The following ARB2A variants were observed in gnomAD, a reference collection of about 807,000 sequenced individuals.
The protein encoded by ARB2A is ARB2 cotranscriptional regulator A.
the ARB2A span, among the ~76,000 whole-genome samples, chr5:93,964,895 CTG>C: frequency 1.3e-5 from 2 of 151,912 alleles, no homozygotes; most frequent in Admixed American, 1.3e-4. Flanking sequence ...CTTAGTGACT[CTG>C]AATCTCAACA....
the ARB2A span, among the ~76,000 whole-genome samples, chr5:93,848,452 TA>T: frequency 6.6e-6 from 1 of 152,050 alleles, no homozygotes; most frequent in Non-Finnish European, 1.5e-5. Context: ...CTAGAAATTC[TA>T]GAACCTCTAC....
the ARB2A span, among the ~76,000 whole-genome samples, chr5:93,714,761 C>G: frequency 6.6e-6 from 1 of 152,122 alleles, no homozygotes; most frequent in Non-Finnish European, 1.5e-5. Flanking sequence ...GTCTCCTGGT[C>G]ACCTGCAACT....
the ARB2A span, among the ~76,000 whole-genome samples, chr5:93,830,321 A>ATATATATC: frequency 3.7e-5 from 1 of 27,126 alleles, no homozygotes; most frequent in African/African-American, 7.6e-5. Context: ...GTATATATAT[A>ATATATATC]TATATATATA....
chr5:93,759,092 A>G, the ARB2A span, among the ~76,000 whole-genome samples: 1 of 152,186 alleles, frequency 6.6e-6, no homozygotes, highest in East Asian at 1.9e-4. Context: ...CTGAAATACA[A>G]AAGATCATTC....
chr5:93,770,541 T>C, the ARB2A span, among the ~76,000 whole-genome samples: 2 of 152,134 alleles, frequency 1.3e-5, no homozygotes, highest in East Asian at 3.8e-4. Context: ...ATGACATGAT[T>C]GTATATCTAG....
At chr5:94,040,785 G>A in the ARB2A span, among the ~76,000 whole-genome samples, 2 of 152,082 alleles carry the variant, frequency 1.3e-5, no homozygotes, top group Non-Finnish European at 2.9e-5. Flanking sequence ...GAGATCACAA[G>A]TTGAAACTCC....
the ARB2A span, among the ~76,000 whole-genome samples, chr5:93,724,113 C>T: frequency 1.6e-3 from 249 of 151,842 alleles, 3 homozygotes; most frequent in East Asian, 0.045. Flanking sequence ...TTCTAAATGA[C>T]ACTGACACTT....
the ARB2A span, among the ~76,000 whole-genome samples, chr5:93,877,787 T>C: frequency 6.6e-6 from 1 of 151,922 alleles, no homozygotes; most frequent in Non-Finnish European, 1.5e-5. Context: ...ACTTATAACG[T>C]GGGTTGTAAG....
At chr5:93,827,143 T>C in the ARB2A span, among the ~76,000 whole-genome samples, 154 of 152,282 alleles carry the variant, frequency 1.0e-3, no homozygotes, top group Non-Finnish European at 1.9e-3. Context: ...ATGGTATTTC[T>C]AGTTCTAGAT....
chr5:93,817,244 C>A, the ARB2A span, among the ~76,000 whole-genome samples: 2 of 151,996 alleles, frequency 1.3e-5, no homozygotes, highest in African/African-American at 4.8e-5. Flanking sequence ...AGAATAGCTT[C>A]AAAAATAATC....
At chr5:93,798,269 T>G in the ARB2A span, among the ~76,000 whole-genome samples, 1 of 152,136 alleles carries the variant, frequency 6.6e-6, no homozygotes, top group Non-Finnish European at 1.5e-5. Context: ...CTTCCCTAAG[T>G]CTGTCTCTTC....
chr5:93,926,589 T>A, the ARB2A span, among the ~76,000 whole-genome samples: 1 of 151,988 alleles, frequency 6.6e-6, no homozygotes, highest in Admixed American at 6.6e-5. Flanking sequence ...AAACTCTTTT[T>A]CTGCAAAATT....
At chr5:93,852,848 G>T in the ARB2A span, among the ~76,000 whole-genome samples, 1 of 152,126 alleles carries the variant, frequency 6.6e-6, no homozygotes, top group Non-Finnish European at 1.5e-5. Flanking sequence ...TGCTGTTTTG[G>T]TTACTGTAGC....
chr5:93,836,531 A>G, the ARB2A span, among the ~76,000 whole-genome samples: 1 of 152,260 alleles, frequency 6.6e-6, no homozygotes, highest in Non-Finnish European at 1.5e-5. Flanking sequence ...AGAACAAAAC[A>G]TTTAAAAGAA....
At chr5:94,063,189 G>C in the ARB2A span, among the ~76,000 whole-genome samples, 2 of 151,814 alleles carry the variant, frequency 1.3e-5, no homozygotes, top group Non-Finnish European at 2.9e-5. Flanking sequence ...CACCTGGCCT[G>C]GCACACCCCC....
At chr5:93,843,651 CA>C in the ARB2A span, among the ~76,000 whole-genome samples, 1 of 151,604 alleles carries the variant, frequency 6.6e-6, no homozygotes, top group Admixed American at 6.6e-5. Context: ...CCAGGCTGGA[CA>C]AGGGTACTAT....
the ARB2A span, among the ~76,000 whole-genome samples, chr5:94,003,516 T>C: frequency 1.3e-5 from 2 of 152,210 alleles, no homozygotes; most frequent in Admixed American, 6.5e-5. Context: ...GCAAGAAATG[T>C]AGGATACAAG....
chr5:93,967,650 T>C, the ARB2A span, among the ~76,000 whole-genome samples: 1 of 152,054 alleles, frequency 6.6e-6, no homozygotes, highest in South Asian at 2.1e-4. Flanking sequence ...GGAGGGCTAC[T>C]AGGTTCTCAC....
chr5:93,898,614 T>C, the ARB2A span, among the ~76,000 whole-genome samples: 1 of 151,998 alleles, frequency 6.6e-6, no homozygotes, highest in Non-Finnish European at 1.5e-5. Context: ...ATCAACCAAA[T>C]TGCTAAGTAA....
Sources: allele counts gnomAD v4.1 joint callset (sites outside exome capture counted in the v4.1 genomes callset), GRCh38; gene constraint gnomAD v4.1.1; transcripts MANE v1.5; gene names NCBI Gene and HGNC (gene_info 2026-07-23, HGNC 2026-07-21).